The following CYP2C19 variants were observed in gnomAD, a reference collection of about 807,000 sequenced individuals.
CYP2C19 encodes the protein cytochrome P450 2C19.
In CYP2C19, 59 loss-of-function variants were observed where a neutral mutation model predicts 40.9. That is an observed-to-expected ratio of 1.44 (90% CI 1.17 to 1.79). CYP2C19 has a LOEUF of 1.79. Ranked by LOEUF, CYP2C19 falls within the 40% of genes most tolerant of loss-of-function variation. CYP2C19 has a pLI of 0.00. For missense variants in CYP2C19, 754 were observed against 596.9 expected, an observed-to-expected ratio of 1.26 and a Z score of -2.74; for synonymous variants, 253 against 208.7, an observed-to-expected ratio of 1.21 and a Z score of -1.83.
intron 6 of CYP2C19, among the ~76,000 whole-genome samples, chr10:94,837,569 G>A (rs971264269): frequency 6.6e-6 from 1 of 152,154 alleles, no homozygotes; most frequent in Non-Finnish European, 1.5e-5. Context: ...TGTGAAAAGA[G>A]TAAAGTTCCT....
rs758749316 is a variant in CYP2C19, at chr10:94,849,973, C to G, written c.1206C>G (p.Pro402=). ...TGCTACATGACAACAAAGAATTTCC[C>G]AACCCAGAGATGTTTGACCCTCGTC... The part of the protein sequence containing the change: ...TSVLHDNKEF[P]NPEMFDPRHF... The change falls in exon 8 of 9, where the codon CCC becomes CCG. Residue 402 remains proline, a synonymous_variant. Coordinates refer to ENST00000371321, the MANE Select transcript of CYP2C19 (RefSeq NM_000769.4). The G allele has an allele frequency of 8.1e-6, 13 of 1,613,646 alleles. No individual in the cohort carries two copies. The highest frequency in any genetic ancestry group is 1.1e-5 in the South Asian group (1 of 91,070).
chr10:94,807,243 G>C (rs371642262), intron 5 of CYP2C19, among the ~76,000 whole-genome samples: 7 of 152,110 alleles, frequency 4.6e-5, no homozygotes, highest in African/African-American at 1.7e-4. Context: ...TTGGTAATTA[G>C]TTTTCCATGG....
chr10:94,795,069 T>C (rs912197430), intron 5 of CYP2C19, among the ~76,000 whole-genome samples: 1 of 151,684 alleles, frequency 6.6e-6, no homozygotes, highest in African/African-American at 2.4e-5. Flanking sequence ...GTTTGTTACA[T>C]ATGTATACAT....
At chr10:94,846,692 T>G (rs1035397927) in intron 7 of CYP2C19, among the ~76,000 whole-genome samples, 36 of 151,922 alleles carry the variant, frequency 2.4e-4, no homozygotes, top group African/African-American at 8.0e-4. Flanking sequence ...ATTTATTTAT[T>G]TTATTATTTT....
intron 5 of CYP2C19, among the ~76,000 whole-genome samples, chr10:94,782,418 T>C (rs1396580269): frequency 6.6e-6 from 1 of 152,114 alleles, no homozygotes; most frequent in Non-Finnish European, 1.5e-5. Context: ...AGATACCATC[T>C]CATGCCAGTT....
chr10:94,780,497 A>G lies in CYP2C19; in HGVS notation c.482-2A>G. The G allele has an allele frequency of 1.2e-6, 2 of 1,613,142 alleles. No individual in the cohort carries two copies. The highest frequency in any genetic ancestry group is 8.5e-7 in the Non-Finnish European group (1 of 1,179,864). On this transcript the variant is annotated splice_acceptor_variant, in intron 3 of 8. Transcript: ENST00000371321. LOFTEE classifies it high-confidence loss of function. ...ATTTTAAAATTGTTTCCAATCATTT[A>G]GCTTCACCCTGTGATCCCACTTTCA...
rs1373807933 is a variant in CYP2C19 at position 94,828,347 on chromosome 10, C to T, written c.961+7710C>T. Among the ~76,000 whole-genome samples the T allele has an allele frequency of 2.6e-5, 4 of 151,738 alleles. No homozygotes were observed. The East Asian group carries it at 7.8e-4, about 29-fold the overall frequency. ...ATTTGCTTTATGAATCTTGGTGCTC[C>T]TGTATTGGGTGCATATATATTTAGC... On this transcript the variant is annotated intron_variant, in intron 6 of 8. Coordinates refer to ENST00000371321, the MANE Select transcript of CYP2C19 (RefSeq NM_000769.4).
intron 1 of CYP2C19, among the ~76,000 whole-genome samples, chr10:94,765,681 T>C (rs1044483949): frequency 6.6e-6 from 1 of 152,106 alleles, no homozygotes; most frequent in Non-Finnish European, 1.5e-5. Context: ...TGAATGGTCA[T>C]GCAGGGAGTA....
At chr10:94,847,921 G>C (rs996320151) in intron 7 of CYP2C19, among the ~76,000 whole-genome samples, 2 of 152,084 alleles carry the variant, frequency 1.3e-5, no homozygotes, top group Non-Finnish European at 2.9e-5. Flanking sequence ...TTTTGATGCG[G>C]TTGTTTGTTT....
At chr10:94,782,752 C>T (rs1023628017) in intron 5 of CYP2C19, among the ~76,000 whole-genome samples, 1 of 152,130 alleles carries the variant, frequency 6.6e-6, no homozygotes, top group Non-Finnish European at 1.5e-5. Flanking sequence ...AAATGTGGCA[C>T]ATATACACCA....
At chr10:94,766,032 G>C (rs1230526089) in intron 1 of CYP2C19, among the ~76,000 whole-genome samples, 2 of 152,150 alleles carry the variant, frequency 1.3e-5, no homozygotes, top group African/African-American at 2.4e-5. Flanking sequence ...CGTCCTGTTA[G>C]GGTATTCTTG....
chr10:94,842,885 C>A lies in CYP2C19; in HGVS notation c.1010C>A (p.Pro337His), dbSNP rs758787238. Residue 337 changes from proline (P) to histidine (H), a missense_variant, in exon 7 of 9, where the codon CCC becomes CAC. Pro to His is a moderately conservative substitution (Grantham distance 77, BLOSUM62 -2). Transcript: ENST00000371321. ...CGTGTCATTGGCAGAAACCGGAGCC[C>A]CTGCATGCAGGACAGGGGCCACATG... is the stretch of plus-strand genomic sequence containing the variant. ...IERVIGRNRS[P>H]CMQDRGHMPY... The A allele has an allele frequency of 3.1e-6, 5 of 1,614,038 alleles. No individual in the cohort carries two copies. In the African/African-American group the frequency reaches 6.7e-5, roughly 22 times the overall value.
rs114035987 is a variant in CYP2C19 at position 94,799,847 on chromosome 10, G to A, written c.819+17850G>A. 3.4e-3 allele frequency among the ~76,000 whole-genome samples: 516 copies of A among 151,934 alleles called. 2 individuals are homozygous for A. The highest frequency in any genetic ancestry group is 0.012 in the African/African-American group (500 of 41,438). ...ATGAAGTTCTCATTCCATGGTTTTT[G>A]GTTCCATCAGGTCATTTAAGGTCTT... is the stretch of plus-strand genomic sequence containing the variant. On this transcript the variant is annotated intron_variant, in intron 5 of 8. Transcript: ENST00000371321.
intron 1 of CYP2C19, among the ~76,000 whole-genome samples, chr10:94,768,421 C>G (rs751869258): frequency 4.6e-5 from 7 of 152,130 alleles, no homozygotes; most frequent in Non-Finnish European, 7.4e-5. Flanking sequence ...TAAATCTGGA[C>G]TATAATTTGT....
In CYP2C19 at chr10:94,767,386, C is replaced by G. The variant is rs1589816502; in HGVS notation, c.168+4513C>G. On this transcript the variant is annotated intron_variant, in intron 1 of 8. Coordinates refer to ENST00000371321, the MANE Select transcript of CYP2C19 (RefSeq NM_000769.4). ...CTGTAAGCTTTGGGGAAGCCAAAAT[C>G]TAGGAATTATTTCATGAATTAGGAC... is the stretch of plus-strand genomic sequence containing the variant. Among the ~76,000 whole-genome samples, 4 of 152,280 alleles carry G rather than the reference C, an allele frequency of 2.6e-5. No individual in the cohort carries two copies. In the East Asian group the frequency reaches 5.8e-4, roughly 22 times the overall value.
At chr10:94,772,806 G>A (rs902265006) in intron 1 of CYP2C19, among the ~76,000 whole-genome samples, 6 of 152,186 alleles carry the variant, frequency 3.9e-5, no homozygotes, top group South Asian at 2.1e-4. Context: ...ACGGAGTCTC[G>A]CTCTGTCGCC....
intron 7 of CYP2C19, among the ~76,000 whole-genome samples, chr10:94,846,161 G>A (rs897701476): frequency 2.6e-5 from 4 of 151,810 alleles, no homozygotes; most frequent in Admixed American, 6.6e-5. Context: ...ACATAATTCG[G>A]GTATGTTGTC....
chr10:94,783,310 A>G lies in CYP2C19; in HGVS notation c.819+1313A>G, dbSNP rs900493608. On this transcript the variant is annotated intron_variant, in intron 5 of 8. Transcript: ENST00000371321. ...GTTTCCTGCATTCCTGCAGATTGAAATAGGCCTTAAAATATTTGCAGTGAG... is the reference window on the plus strand; with the variant it reads ...GTTTCCTGCATTCCTGCAGATTGAAGTAGGCCTTAAAATATTTGCAGTGAG... 7.9e-5 allele frequency among the ~76,000 whole-genome samples: 12 copies of G among 152,192 alleles called. 1 individual carries two copies. Among genetic ancestry groups the G allele is most frequent in the Admixed American group, 6.6e-4 (10 of 15,264 alleles).
chr10:94,788,480 G>A (rs541896123), intron 5 of CYP2C19, among the ~76,000 whole-genome samples: 22 of 152,034 alleles, frequency 1.4e-4, no homozygotes, highest in Non-Finnish European at 1.5e-4. Context: ...ACGCACCATG[G>A]TGGTTTGCTG....
Sources: gnomAD v4.1 joint callset for allele counts (sites outside exome capture counted in the v4.1 genomes callset) on GRCh38, gnomAD v4.1.1 for gene constraint, MANE v1.5 for transcripts, NCBI Gene and HGNC (gene_info 2026-07-23, HGNC 2026-07-21) for gene names.